The following AGTR1 variants were observed in gnomAD, a reference collection of about 807,000 sequenced individuals.
AGTR1 encodes the protein type-1 angiotensin II receptor.
A neutral mutation model predicts 19.4 loss-of-function variants in AGTR1; 16 were observed. The ratio of observed to expected loss-of-function variants is 0.82; its 90% CI spans 0.56 to 1.25. The LOEUF (loss-of-function observed/expected upper bound fraction) is 1.25, where lower values mean the gene tolerates loss of function less well. AGTR1 is among the 50% of genes most tolerant of loss of function. AGTR1 has a pLI of 0.00. For synonymous variants in AGTR1, 153 were observed against 154.9 expected, an observed-to-expected ratio of 0.99 and a Z score of 0.09; for missense variants, 373 against 431.9, an observed-to-expected ratio of 0.86 and a Z score of 1.21.
intron 2 of AGTR1, among the ~76,000 whole-genome samples, chr3:148,710,048 C>G (rs1443432338): frequency 1.3e-5 from 2 of 152,146 alleles, no homozygotes; most frequent in African/African-American, 4.8e-5. Flanking sequence ...TTACCCCCAT[C>G]TCAAGTGCTC....
At chr3:148,736,401 G>A (rs975888138) in intron 2 of AGTR1, among the ~76,000 whole-genome samples, 15 of 152,094 alleles carry the variant, frequency 9.9e-5, no homozygotes, top group African/African-American at 2.9e-4. Context: ...ACTTTTAATG[G>A]CAATGGAAGG....
At chr3:148,701,841 T>C (rs1211694560) in intron 1 of AGTR1, among the ~76,000 whole-genome samples, 1 of 152,226 alleles carries the variant, frequency 6.6e-6, no homozygotes, top group Non-Finnish European at 1.5e-5. Flanking sequence ...TGTGATTTCT[T>C]GTCCACTTAT....
intron 2 of AGTR1, among the ~76,000 whole-genome samples, chr3:148,734,381 C>T (rs12721240): frequency 8.3e-4 from 127 of 152,276 alleles, no homozygotes; most frequent in African/African-American, 2.9e-3. Context: ...ACCACTGTCA[C>T]CACAGTTAGT....
intron 2 of AGTR1, among the ~76,000 whole-genome samples, chr3:148,729,186 G>A (rs1002324942): frequency 2.6e-5 from 4 of 152,300 alleles, no homozygotes; most frequent in African/African-American, 7.2e-5. Context: ...CGTGCTGAAC[G>A]TGAAGGTGAG....
At position 148,741,560 on chromosome 3, in the gene AGTR1, C is replaced by T. The variant is rs770034589; in HGVS notation, c.525C>T (p.Thr175=). The change falls in exon 3 of 3, where the codon ACC becomes ACT. Residue 175 remains threonine, a synonymous_variant. Coordinates refer to ENST00000349243, the MANE Select transcript of AGTR1 (RefSeq NM_000685.5). The stretch of plus-strand genomic sequence containing the variant: ...GAAATGTATTTTTCATTGAGAACAC[C>T]AATATTACAGTTTGTGCTTTCCATT... ...IHRNVFFIEN[T]NITVCAFHYE... The T allele has an allele frequency of 1.3e-5, 21 of 1,613,934 alleles. No individual in the cohort carries two copies. The African/African-American group carries it at 2.0e-4, about 15-fold the overall frequency.
At chr3:148,717,108 G>GT (rs1183313200) in intron 2 of AGTR1, among the ~76,000 whole-genome samples, 1 of 146,706 alleles carries the variant, frequency 6.8e-6, no homozygotes, top group Admixed American at 6.7e-5. Flanking sequence ...CACACACGTG[G>GT]TTTTTCTTAT....
At chr3:148,699,454 A>G (rs1166995431) in intron 1 of AGTR1, among the ~76,000 whole-genome samples, 1 of 152,080 alleles carries the variant, frequency 6.6e-6, no homozygotes, top group African/African-American at 2.4e-5. Flanking sequence ...ACCTGTCCTC[A>G]GGCTGTGATG....
At chr3:148,710,044 C>G (rs1301472676) in intron 2 of AGTR1, among the ~76,000 whole-genome samples, 1 of 152,076 alleles carries the variant, frequency 6.6e-6, no homozygotes, top group African/African-American at 2.4e-5. Flanking sequence ...TGCATTACCC[C>G]CATCTCAAGT....
intron 1 of AGTR1, among the ~76,000 whole-genome samples, chr3:148,698,709 A>G (rs1423042017): frequency 6.6e-6 from 1 of 152,166 alleles, no homozygotes; most frequent in Non-Finnish European, 1.5e-5. Context: ...GGGTTCCCAG[A>G]TGTCCTTTGA....
chr3:148,726,381 G>T (rs1006554651), intron 2 of AGTR1, among the ~76,000 whole-genome samples: 2 of 152,012 alleles, frequency 1.3e-5, no homozygotes, highest in Non-Finnish European at 2.9e-5. Context: ...GCTAATTTTT[G>T]TATTTTTAGT....
intron 2 of AGTR1, chr3:148,731,489 T>A (rs1714252308): frequency 6.6e-6 from 1 of 152,344 alleles, no homozygotes; most frequent in African/African-American, 2.4e-5. Context: ...AATAAAAAAA[T>A]TTAGTAATAT....
intron 2 of AGTR1, among the ~76,000 whole-genome samples, chr3:148,731,911 C>A (rs12695904): frequency 0.033 from 5,033 of 152,248 alleles, 112 homozygotes; most frequent in East Asian, 0.054. Context: ...ATAAATATGA[C>A]CCTTATAGCT....
intron 2 of AGTR1, among the ~76,000 whole-genome samples, chr3:148,729,072 A>G (rs1024552704): frequency 1.3e-5 from 2 of 152,218 alleles, no homozygotes; most frequent in African/African-American, 4.8e-5. Flanking sequence ...TCTCCTGAAG[A>G]AAGAAAAGCA....
chr3:148,699,462 A>G (rs1475463679), intron 1 of AGTR1, among the ~76,000 whole-genome samples: 1 of 152,060 alleles, frequency 6.6e-6, no homozygotes, highest in African/African-American at 2.4e-5. Context: ...TCAGGCTGTG[A>G]TGTATTCCCG....
chr3:148,737,973 G>T (rs151139037), intron 2 of AGTR1, among the ~76,000 whole-genome samples: 2 of 152,298 alleles, frequency 1.3e-5, no homozygotes, highest in East Asian at 3.9e-4. Flanking sequence ...CTGATAGCTT[G>T]TGAAGGAGTT....
At chr3:148,733,513 C>G (rs554767166) in intron 2 of AGTR1, among the ~76,000 whole-genome samples, 1 of 152,074 alleles carries the variant, frequency 6.6e-6, no homozygotes, top group Non-Finnish European at 1.5e-5. Flanking sequence ...ATTAAAGTTT[C>G]AAAGAAATAA....
In AGTR1 at chr3:148,711,905, G is replaced by A. The variant is rs12721203; in HGVS notation, c.-48+3878G>A. Among the ~76,000 whole-genome samples, 1,479 of 151,966 alleles carry A rather than the reference G, an allele frequency of 9.7e-3. 32 individuals carry two copies. Among genetic ancestry groups the A allele is most frequent in the African/African-American group, 0.034 (1,422 of 41,436 alleles). On this transcript the variant is annotated intron_variant, in intron 2 of 2. Transcript: ENST00000349243. ...CTAGGACTACAGGCACATGCACTAT[G>A]CCCAGCTAATTATTTTTTTAATTTT...
intron 2 of AGTR1, among the ~76,000 whole-genome samples, chr3:148,736,373 A>G (rs1714571490): frequency 6.6e-6 from 1 of 152,208 alleles, no homozygotes; most frequent in African/African-American, 2.4e-5. Flanking sequence ...CGAAAGAACA[A>G]CAGCCTGGAA....
chr3:148,722,134 C>T (rs929610187), intron 2 of AGTR1, among the ~76,000 whole-genome samples: 2 of 152,112 alleles, frequency 1.3e-5, no homozygotes, highest in Non-Finnish European at 2.9e-5. Context: ...TGTTTAGCAT[C>T]CATTATAAAA....
Sources: gnomAD v4.1 joint callset for allele counts (sites outside exome capture counted in the v4.1 genomes callset) on GRCh38, gnomAD v4.1.1 for gene constraint, MANE v1.5 for transcripts, NCBI Gene and HGNC (gene_info 2026-07-23, HGNC 2026-07-21) for gene names.